The following DLGAP2 variants were observed in gnomAD, a reference collection of about 807,000 sequenced individuals.
The protein encoded by DLGAP2 is DLG associated protein 2.
A neutral mutation model predicts 100.3 loss-of-function variants in DLGAP2; 26 were observed. The observed-to-expected ratio is 0.26, with a 90% CI of 0.19 to 0.36. The LOEUF (loss-of-function observed/expected upper bound fraction) is 0.36. Ranked by LOEUF, DLGAP2 falls within the 10% of genes least tolerant of loss-of-function variation. The pLI, the probability that DLGAP2 is intolerant of heterozygous loss-of-function variation, is 1.00. For synonymous variants in DLGAP2, 886 were observed against 630.1 expected (o/e 1.41, Z -6.08); for missense variants, 1,858 against 1,453.2 (o/e 1.28, Z -4.53).
chr8:1,388,659 G>A (rs1335033919), intron 3 of DLGAP2, among the ~76,000 whole-genome samples: 3 of 83,324 alleles, frequency 3.6e-5, no homozygotes, highest in South Asian at 4.4e-4. Flanking sequence ...AGAGGCAGAC[G>A]CCGTGGAAGA....
At chr8:1,553,310 C>G (rs1554496414) in intron 5 of DLGAP2, among the ~76,000 whole-genome samples, 1 of 152,228 alleles carries the variant, frequency 6.6e-6, no homozygotes, top group African/African-American at 2.4e-5. Context: ...GGCCGCAACC[C>G]TGGCCCTCCT....
At chr8:978,870 C>A (rs1385164774) in intron 2 of DLGAP2, among the ~76,000 whole-genome samples, 1 of 152,266 alleles carries the variant, frequency 6.6e-6, no homozygotes, top group South Asian at 2.1e-4. Context: ...TAATGCTGAT[C>A]CCAAATACTC....
At chr8:973,058 T>G (rs1362587754) in intron 2 of DLGAP2, among the ~76,000 whole-genome samples, 3 of 152,392 alleles carry the variant, frequency 2.0e-5, no homozygotes, top group Middle Eastern at 3.4e-3. Flanking sequence ...CTCTATCTTT[T>G]CACCACATTT....
At position 1,695,963 on chromosome 8, in the gene DLGAP2, T is replaced by G. The variant is rs116398096; in HGVS notation, c.2797-1184T>G. ...GGGCTTTGAGTGGCCAAGGCTGCCC[T>G]CGTGTGGCTGCAGAGAAGAATGGGC... On this transcript the variant is annotated intron_variant, in intron 13 of 14. Transcript: ENST00000637795. 1.6e-3 allele frequency among the ~76,000 whole-genome samples: 250 copies of G among 152,314 alleles called. 2 individuals carry two copies. Among genetic ancestry groups the G allele is most frequent in the African/African-American group, 5.7e-3 (237 of 41,584 alleles).
intron 1 of DLGAP2, among the ~76,000 whole-genome samples, chr8:788,529 T>C (rs1316051697): frequency 6.6e-6 from 1 of 152,256 alleles, no homozygotes; most frequent in African/African-American, 2.4e-5. Flanking sequence ...CTTGTGATTA[T>C]ATTTTACCCT....
At chr8:1,258,703 C>T in intron 2 of DLGAP2, 148 bp from the exon 3 acceptor site, 1 of 585,264 alleles carries the variant, frequency 1.7e-6, no homozygotes, top group Non-Finnish European at 2.5e-6. Context: ...CCAGAGCTGG[C>T]TTTGTTTATG....
At chr8:1,246,389 A>C (rs1288021921) in intron 2 of DLGAP2, among the ~76,000 whole-genome samples, 1 of 152,142 alleles carries the variant, frequency 6.6e-6, no homozygotes, top group African/African-American at 2.4e-5. Flanking sequence ...CCAGCTTGGC[A>C]TCCTTCCCTC....
intron 1 of DLGAP2, among the ~76,000 whole-genome samples, chr8:824,654 G>T (rs1002402354): frequency 6.6e-6 from 1 of 151,890 alleles, no homozygotes; most frequent in African/African-American, 2.4e-5. Flanking sequence ...GGTTCCGCCT[G>T]TTTGGGTTCA....
intron 6 of DLGAP2, among the ~76,000 whole-genome samples, chr8:1,616,684 A>C (rs1259732588): frequency 6.6e-6 from 1 of 152,246 alleles, no homozygotes; most frequent in Non-Finnish European, 1.5e-5. Context: ...CTTTTCAAAC[A>C]GAAGCTAAGG....
chr8:1,363,641 T>C (rs1802036959), intron 3 of DLGAP2, among the ~76,000 whole-genome samples: 1 of 152,188 alleles, frequency 6.6e-6, no homozygotes, highest in Admixed American at 6.5e-5. Context: ...TCCTCTGTCT[T>C]CTGGCCCTCT....
At chr8:1,176,961 A>T (rs1412108922) in intron 2 of DLGAP2, among the ~76,000 whole-genome samples, 1 of 152,192 alleles carries the variant, frequency 6.6e-6, no homozygotes, top group Admixed American at 6.5e-5. Flanking sequence ...TGAGCAAGCA[A>T]GTCACGGTTC....
chr8:1,021,659 A>C lies in DLGAP2; in HGVS notation c.73+113693A>C, dbSNP rs142917380. On this transcript the variant is annotated intron_variant, in intron 2 of 14. Coordinates refer to ENST00000637795, the MANE Select transcript of DLGAP2 (RefSeq NM_001346810.2). The stretch of plus-strand genomic sequence containing the variant: ...TAAGTTAATAAGAACTCAGCTAAAG[A>C]CTCCATGAGACTTCAGCTCACATAA... 2.6e-5 allele frequency among the ~76,000 whole-genome samples: 4 copies of C among 152,112 alleles called. No individual in the cohort carries two copies. In the East Asian group the frequency reaches 7.8e-4, roughly 29 times the overall value.
intron 2 of DLGAP2, among the ~76,000 whole-genome samples, chr8:1,195,431 A>C (rs941675473): frequency 6.6e-6 from 1 of 152,238 alleles, no homozygotes; most frequent in Non-Finnish European, 1.5e-5. Flanking sequence ...GTGTTTTTAA[A>C]TGGGAAACAG....
At chr8:1,247,413 TG>T (rs1264946569) in intron 2 of DLGAP2, among the ~76,000 whole-genome samples, 16 of 118,652 alleles carry the variant, frequency 1.3e-4, no homozygotes, top group African/African-American at 5.5e-4. Flanking sequence ...GAGATCAGTG[TG>T]GGAGTAATGG....
At chr8:1,263,792 G>A (rs1439241308) in intron 3 of DLGAP2, among the ~76,000 whole-genome samples, 1 of 152,128 alleles carries the variant, frequency 6.6e-6, no homozygotes, top group Non-Finnish European at 1.5e-5. Context: ...GGGCACCACT[G>A]TTTCAAAGAC....
At chr8:1,419,828 T>C (rs10086933) in intron 3 of DLGAP2, among the ~76,000 whole-genome samples, 82,355 of 151,934 alleles carry the variant, frequency 0.54, 23,038 homozygotes, top group East Asian at 0.9. Flanking sequence ...AGCCACCATA[T>C]GAGCCAGCAA....
chr8:803,538 T>C (rs2132659814), intron 1 of DLGAP2, among the ~76,000 whole-genome samples: 1 of 152,182 alleles, frequency 6.6e-6, no homozygotes, highest in South Asian at 2.1e-4. Context: ...AGGAGCTGCC[T>C]CTGACGTTAC....
At position 1,143,322 on chromosome 8, in the gene DLGAP2, A is replaced by G. The variant is rs182220863; in HGVS notation, c.74-115529A>G. On this transcript the variant is annotated intron_variant, in intron 2 of 14. Coordinates refer to ENST00000637795, the MANE Select transcript of DLGAP2 (RefSeq NM_001346810.2). Reference sequence around the variant, plus strand: ...GCAGGGTGTCTGTCTGAAATGGGCAATAAGGAGAATTTCTCTAAAATCTCT... The same window carrying G: ...GCAGGGTGTCTGTCTGAAATGGGCAGTAAGGAGAATTTCTCTAAAATCTCT... Among the ~76,000 whole-genome samples the G allele has an allele frequency of 2.4e-3, 366 of 152,338 alleles. 9 individuals are homozygous for G. The South Asian group carries it at 0.035, about 15-fold the overall frequency.
intron 6 of DLGAP2, among the ~76,000 whole-genome samples, chr8:1,624,257 G>A (rs1267200502): frequency 6.6e-6 from 1 of 152,056 alleles, no homozygotes; most frequent in African/African-American, 2.4e-5. Flanking sequence ...AGAAATGGAG[G>A]GTATGAAACC....
Sources: gnomAD v4.1 joint callset for allele counts (sites outside exome capture counted in the v4.1 genomes callset) on GRCh38, gnomAD v4.1.1 for gene constraint, MANE v1.5 for transcripts, NCBI Gene and HGNC (gene_info 2026-07-23, HGNC 2026-07-21) for gene names.